The following LRRTM4 variants were observed in gnomAD, a reference collection of about 807,000 sequenced individuals.
LRRTM4 encodes the protein leucine rich repeat transmembrane neuronal 4.
Under a neutral mutation model 47.6 loss-of-function variants are expected in LRRTM4, and 25 were observed. The observed-to-expected ratio is 0.53, with a 90% CI of 0.38 to 0.73. The LOEUF is 0.73. Among genes scored for constraint, LRRTM4 ranks in the 30% least tolerant of loss-of-function variants. The pLI is 0.00. For synonymous variants in LRRTM4, 311 were observed against 269.5 expected, an observed-to-expected ratio of 1.15 and a Z score of -1.51; for missense variants, 638 against 713.4, an observed-to-expected ratio of 0.89 and a Z score of 1.20.
At chr2:76,987,459 C>T (rs1163650266) in intron 3 of LRRTM4, 1 of 151,826 alleles carries the variant, frequency 6.6e-6, no homozygotes, top group Non-Finnish European at 1.5e-5. Flanking sequence ...CAAGGGAATG[C>T]TCAGAAATAT....
chr2:77,145,540 G>A (rs566094992), intron 3 of LRRTM4, among the ~76,000 whole-genome samples: 27 of 151,694 alleles, frequency 1.8e-4, no homozygotes, highest in African/African-American at 6.3e-4. Flanking sequence ...AGGCCAAGGC[G>A]GGCAGATCAT....
At chr2:77,325,029 C>T (rs1193249600) in intron 3 of LRRTM4, among the ~76,000 whole-genome samples, 2 of 152,110 alleles carry the variant, frequency 1.3e-5, no homozygotes, top group Admixed American at 6.6e-5. Flanking sequence ...ATGCACATCC[C>T]TTCCACTGAA....
At chr2:77,037,808 T>C (rs947640738) in intron 3 of LRRTM4, among the ~76,000 whole-genome samples, 2 of 151,698 alleles carry the variant, frequency 1.3e-5, no homozygotes, top group South Asian at 2.1e-4. Flanking sequence ...TGATAATAGA[T>C]TGCAAGTGCT....
At position 77,461,010 on chromosome 2, in the gene LRRTM4, A is replaced by C. The variant is rs565352453; in HGVS notation, c.1551+57308T>G. 1.1e-4 allele frequency among the ~76,000 whole-genome samples: 17 copies of C among 152,218 alleles called. 1 individual carries two copies. Among genetic ancestry groups the C allele is most frequent in the African/African-American group, 4.1e-4 (17 of 41,550 alleles). On this transcript the variant is annotated intron_variant, in intron 3 of 3. Transcript: ENST00000409884. ...TTGAAAATTATAAAGTAAGTAATTA[A>C]CAGAAATTTTTAACCTAGAGGCAAT...
At chr2:76,811,162 T>C (rs1670720622) in intron 3 of LRRTM4, among the ~76,000 whole-genome samples, 1 of 152,052 alleles carries the variant, frequency 6.6e-6, no homozygotes, top group Non-Finnish European at 1.5e-5. Context: ...AGTTAACTTC[T>C]TTCTGTTAAG....
intron 3 of LRRTM4, among the ~76,000 whole-genome samples, chr2:76,772,567 G>A (rs1673757832): frequency 6.6e-6 from 1 of 152,124 alleles, no homozygotes; most frequent in African/African-American, 2.4e-5. Context: ...CCAACCTTTG[G>A]ACAGATATTT....
chr2:77,046,652 CTCAT>C (rs1490249707), intron 3 of LRRTM4, among the ~76,000 whole-genome samples: 1 of 151,888 alleles, frequency 6.6e-6, no homozygotes, highest in Non-Finnish European at 1.5e-5. Context: ...AAGCAATTGC[CTCAT>C]TCACACTATG....
At chr2:77,385,135 A>G (rs993301640) in intron 3 of LRRTM4, among the ~76,000 whole-genome samples, 13 of 152,206 alleles carry the variant, frequency 8.5e-5, no homozygotes, top group African/African-American at 3.1e-4. Context: ...ATCACCAATC[A>G]CAGTGAATAT....
At chr2:77,221,860 T>C (rs1223790236) in intron 3 of LRRTM4, among the ~76,000 whole-genome samples, 1 of 152,144 alleles carries the variant, frequency 6.6e-6, no homozygotes, top group African/African-American at 2.4e-5. Context: ...GCAGACCTAA[T>C]AGACATCTAC....
chr2:77,055,941 C>T (rs1679590100), intron 3 of LRRTM4, among the ~76,000 whole-genome samples: 1 of 149,128 alleles, frequency 6.7e-6, no homozygotes, highest in Admixed American at 6.7e-5. Flanking sequence ...ATTGCAAGAA[C>T]AAAAAACCAA....
At chr2:77,487,106 T>C (rs536325321) in intron 3 of LRRTM4, among the ~76,000 whole-genome samples, 2 of 152,198 alleles carry the variant, frequency 1.3e-5, no homozygotes, top group African/African-American at 4.8e-5. Context: ...AGACACCGGC[T>C]GCAGTGAGAG....
chr2:76,911,352 A>C (rs1483981111), intron 3 of LRRTM4, among the ~76,000 whole-genome samples: 1 of 152,238 alleles, frequency 6.6e-6, no homozygotes, highest in African/African-American at 2.4e-5. Flanking sequence ...ATTTCTTAAA[A>C]ATAAAAGTGA....
At chr2:77,511,528 T>G (rs1011183355) in intron 3 of LRRTM4, among the ~76,000 whole-genome samples, 1 of 151,994 alleles carries the variant, frequency 6.6e-6, no homozygotes, top group Middle Eastern at 3.4e-3. Flanking sequence ...TGCTTATTTA[T>G]TTTAAGCACA....
rs1573269019 is a variant in LRRTM4 at position 76,893,886 on chromosome 2, T to G, written c.1552-144970A>C. On this transcript the variant is annotated intron_variant, in intron 3 of 3. Transcript: ENST00000409884. ...TGGGTGCATTTTATTTGTACATGTCTCATATGTTTAACATCAGGAGAAAGT... is the reference window on the plus strand; with the variant it reads ...TGGGTGCATTTTATTTGTACATGTCGCATATGTTTAACATCAGGAGAAAGT... Among the ~76,000 whole-genome samples the G allele has an allele frequency of 1.3e-5, 2 of 152,038 alleles. 1 individual carries two copies. Among genetic ancestry groups the G allele is most frequent in the Middle Eastern group, 6.8e-3 (2 of 292 alleles).
chr2:76,852,505 A>G (rs1467551632), intron 3 of LRRTM4, among the ~76,000 whole-genome samples: 2 of 152,158 alleles, frequency 1.3e-5, no homozygotes, highest in Non-Finnish European at 2.9e-5. Context: ...AGTTTAGTGA[A>G]TTTTGTCTGT....
At chr2:77,054,231 T>C (rs930980949) in intron 3 of LRRTM4, among the ~76,000 whole-genome samples, 5 of 150,728 alleles carry the variant, frequency 3.3e-5, no homozygotes, top group Non-Finnish European at 7.4e-5. Flanking sequence ...TCTAGCCAAA[T>C]GTGCAAATGT....
chr2:77,468,386 T>C (rs543873005), intron 3 of LRRTM4, among the ~76,000 whole-genome samples: 1 of 152,332 alleles, frequency 6.6e-6, no homozygotes, highest in South Asian at 2.1e-4. Flanking sequence ...ATCATACACA[T>C]TTCCTGTCTA....
At chr2:77,129,829 C>G (rs1490416348) in intron 3 of LRRTM4, among the ~76,000 whole-genome samples, 2 of 152,140 alleles carry the variant, frequency 1.3e-5, no homozygotes, top group African/African-American at 4.8e-5. Flanking sequence ...ATCTGACTCT[C>G]TATCACATAA....
intron 3 of LRRTM4, among the ~76,000 whole-genome samples, chr2:77,298,111 A>G (rs186698381): frequency 6.6e-6 from 1 of 152,324 alleles, no homozygotes; most frequent in Non-Finnish European, 1.5e-5. Context: ...GAATGGATTA[A>G]TCAGTCAGTA....
Sources: allele counts gnomAD v4.1 joint callset (sites outside exome capture counted in the v4.1 genomes callset), GRCh38; gene constraint gnomAD v4.1.1; transcripts MANE v1.5; gene names NCBI Gene and HGNC (gene_info 2026-07-23, HGNC 2026-07-21).